Variants in TCOF1 observed in about 807,000 individuals in gnomAD.
The protein encoded by TCOF1 is treacle protein.
Under a neutral mutation model 149.0 loss-of-function variants are expected in TCOF1, and 33 were observed. That is an observed-to-expected ratio of 0.22 (90% CI 0.17 to 0.30). The LOEUF is 0.30. Ranked by LOEUF, TCOF1 falls within the 10% of genes least tolerant of loss-of-function variation. The pLI, the probability that TCOF1 is intolerant of heterozygous loss-of-function variation, is 1.00. For missense variants in TCOF1, 1,728 were observed against 1,840.7 expected (o/e 0.94, Z 1.12); for synonymous variants, 789 against 738.8 (o/e 1.07, Z -1.10).
At chr5:150,371,438 C>T (rs903035965) in intron 6 of TCOF1, among the ~76,000 whole-genome samples, 1 of 152,164 alleles carries the variant, frequency 6.6e-6, no homozygotes, top group Non-Finnish European at 1.5e-5. Flanking sequence ...AGCAGACGCC[C>T]CAGAAACCCA....
intron 14 of TCOF1, 122 bp from the exon 15 acceptor site, chr5:150,378,783 A>T: frequency 7.1e-7 from 1 of 1,402,820 alleles, no homozygotes; most frequent in Non-Finnish European, 1.0e-6. Flanking sequence ...TCAGGTTCAC[A>T]CGCCTATTGC....
chr5:150,361,453 A>T (rs1760072302), intron 2 of TCOF1, among the ~76,000 whole-genome samples: 1 of 152,230 alleles, frequency 6.6e-6, no homozygotes, highest in Admixed American at 6.5e-5. Flanking sequence ...CCAGCTTGTC[A>T]GTTGCTCAGC....
At chr5:150,392,920 C>T in intron 22 of TCOF1, 130 bp downstream of exon 22, 1 of 1,159,850 alleles carries the variant, frequency 8.6e-7, no homozygotes, top group Non-Finnish European at 1.2e-6. Flanking sequence ...GGGCAAGGTC[C>T]TGTCTGCAAG....
At chr5:150,389,041 G>T (rs1766851685) in intron 18 of TCOF1, among the ~76,000 whole-genome samples, 1 of 152,130 alleles carries the variant, frequency 6.6e-6, no homozygotes, top group Non-Finnish European at 1.5e-5. Context: ...AGGAGTTCAA[G>T]ACCAGCCTGG....
intron 7 of TCOF1, among the ~76,000 whole-genome samples, chr5:150,373,325 G>A (rs1397281944): frequency 6.6e-6 from 1 of 152,164 alleles, no homozygotes; most frequent in East Asian, 1.9e-4. Context: ...ACAGATATGA[G>A]CCACCGCACC....
At chr5:150,389,626 G>A (rs1393127437) in intron 18 of TCOF1, among the ~76,000 whole-genome samples, 7 of 152,176 alleles carry the variant, frequency 4.6e-5, no homozygotes, top group Non-Finnish European at 1.0e-4. Context: ...GTGGCAGCCC[G>A]ACCAGTTGGG....
At chr5:150,382,333 A>T (rs901655337) in intron 17 of TCOF1, among the ~76,000 whole-genome samples, 1 of 151,732 alleles carries the variant, frequency 6.6e-6, no homozygotes, top group Admixed American at 6.6e-5. Flanking sequence ...TGAGGGTTCT[A>T]TTAGCAAGGA....
At chr5:150,393,291 C>T (rs1471873109) in intron 22 of TCOF1, 81 bp from the exon 23 acceptor site, 1 of 1,584,650 alleles carries the variant, frequency 6.3e-7, no homozygotes. Flanking sequence ...GGCTGCTTTC[C>T]TCACAGCAGG....
intron 2 of TCOF1, among the ~76,000 whole-genome samples, chr5:150,362,342 C>T (rs77026097): frequency 1.3e-5 from 2 of 152,072 alleles, no homozygotes; most frequent in African/African-American, 4.8e-5. Flanking sequence ...CTGGCCTGAC[C>T]ACAGCTGACT....
At chr5:150,377,735 A>G (rs572346401) in intron 14 of TCOF1, among the ~76,000 whole-genome samples, 6 of 152,102 alleles carry the variant, frequency 3.9e-5, no homozygotes, top group East Asian at 1.9e-4. Context: ...TCCAGACCCA[A>G]TGCCTTACAG....
intron 17 of TCOF1, among the ~76,000 whole-genome samples, chr5:150,386,130 T>C (rs1452818180): frequency 6.6e-6 from 1 of 152,186 alleles, no homozygotes; most frequent in Admixed American, 6.5e-5. Context: ...TACAGGCTAA[T>C]GCCCCGCCCC....
At chr5:150,391,763 G>C in intron 20 of TCOF1, 106 bp downstream of exon 20, 1 of 1,260,308 alleles carries the variant, frequency 7.9e-7, no homozygotes, top group Admixed American at 2.0e-5. Flanking sequence ...CTCTGCACTT[G>C]GTTTGCCTCC....
chr5:150,389,334 C>G lies in TCOF1; in HGVS notation c.3047-553C>G, dbSNP rs566520503. Among the ~76,000 whole-genome samples, 31 of 152,242 alleles carry G rather than the reference C, an allele frequency of 2.0e-4. 1 individual carries two copies. The South Asian group carries it at 6.4e-3, about 32-fold the overall frequency. On this transcript the variant is annotated intron_variant, in intron 18 of 26. Coordinates refer to ENST00000643257, the MANE Select transcript of TCOF1 (RefSeq NM_001371623.1). ...ACCTTCACTGGATATTTTATGACATCGGGTTTTTTTCATCTTTACATATTT... is the reference window on the plus strand; with the variant it reads ...ACCTTCACTGGATATTTTATGACATGGGGTTTTTTTCATCTTTACATATTT...
chr5:150,362,290 A>G (rs1238682523), intron 2 of TCOF1, among the ~76,000 whole-genome samples: 1 of 152,190 alleles, frequency 6.6e-6, no homozygotes, highest in East Asian at 1.9e-4. Flanking sequence ...CAACAGAGGA[A>G]TGGTTGGAAA....
intron 1 of TCOF1, 68 bp downstream of exon 1, chr5:150,357,922 GC>G (rs1481287710): frequency 5.3e-6 from 8 of 1,506,192 alleles, no homozygotes; most frequent in Non-Finnish European, 7.1e-6. Context: ...CGCGGCCCGC[GC>G]CCCGTCCCCA....
chr5:150,369,472 AG>A, intron 5 of TCOF1, 56 bp from the exon 6 acceptor site: 1 of 1,599,222 alleles, frequency 6.3e-7, no homozygotes, highest in Non-Finnish European at 8.6e-7. Context: ...GGTGCTGGGG[AG>A]GGGCAGGTGA....
chr5:150,374,699 C>G lies in TCOF1; in HGVS notation c.1166C>G (p.Ala389Gly). The change falls in exon 9 of 27, where the codon GCG becomes GGG. Residue 389 changes from alanine (A) to glycine (G), a missense_variant. Coordinates refer to ENST00000643257, the MANE Select transcript of TCOF1 (RefSeq NM_001371623.1). ...KESPRKGAAPAPPGKTGPAVA... is the reference protein window; with the variant it reads ...KESPRKGAAPGPPGKTGPAVA... ...TCCCCCAGGAAAGGAGCTGCCCCAG[C>G]GCCCCCTGGGAAGACAGGGCCTGCA... 1 of 1,613,718 alleles carries G rather than the reference C, an allele frequency of 6.2e-7. No individual in the cohort carries two copies. Among genetic ancestry groups the G allele is most frequent in the Non-Finnish European group, 8.5e-7 (1 of 1,179,936 alleles).
chr5:150,387,312 T>C (rs1344295143), intron 17 of TCOF1, among the ~76,000 whole-genome samples: 1 of 152,234 alleles, frequency 6.6e-6, no homozygotes, highest in Admixed American at 6.5e-5. Context: ...CACCCAACCC[T>C]TGTTTCTCTT....
At position 150,375,383 on chromosome 5, in the gene TCOF1, C is replaced by G; in HGVS notation, c.1533C>G (p.Thr511=). The G allele has an allele frequency of 3.1e-6, 5 of 1,612,558 alleles. No homozygotes were observed. The highest frequency in any genetic ancestry group is 3.4e-6 in the Non-Finnish European group (4 of 1,179,776). ...GKSPQVKPAS[T]MGMGPLGKGA... is the part of the protein sequence containing the mutation. ...GCCCCCAGGTGAAACCTGCCTCTAC[C>G]ATGGGCATGGGGCCCTTGGGGAAAG... Residue 511 remains threonine, a synonymous_variant, in exon 11 of 27, where the codon ACC becomes ACG. Coordinates refer to ENST00000643257, the MANE Select transcript of TCOF1 (RefSeq NM_001371623.1).
Sources: gnomAD v4.1 joint callset for allele counts (sites outside exome capture counted in the v4.1 genomes callset) on GRCh38, gnomAD v4.1.1 for gene constraint, MANE v1.5 for transcripts, NCBI Gene and HGNC (gene_info 2026-07-23, HGNC 2026-07-21) for gene names.